PDE1C: variants seen among roughly 807,000 people sequenced by gnomAD.
The protein encoded by PDE1C is phosphodiesterase 1C.
Under a neutral mutation model 93.1 loss-of-function variants are expected in PDE1C, and 62 were observed. The observed-to-expected ratio is 0.67, with a 90% confidence interval of 0.54 to 0.82. The LOEUF is 0.82. PDE1C is among the 40% of genes least tolerant of loss of function. The pLI, the probability that PDE1C is intolerant of heterozygous loss-of-function variation, is 0.00. For missense variants in PDE1C, 742 were observed against 884.6 expected (o/e 0.84, Z 2.04); for synonymous variants, 325 against 310.1 (o/e 1.05, Z -0.50).
intron 2 of PDE1C, among the ~76,000 whole-genome samples, chr7:32,022,618 TTGAA>T (rs1255409469): frequency 2.0e-5 from 3 of 152,144 alleles, no homozygotes; most frequent in African/African-American, 7.2e-5. Context: ...AGAATATCAT[TTGAA>T]TGAATGAATA....
chr7:31,779,505 C>G (rs1783242373), intron 16 of PDE1C, among the ~76,000 whole-genome samples: 1 of 152,166 alleles, frequency 6.6e-6, no homozygotes, highest in South Asian at 2.1e-4. Flanking sequence ...TAAGGGAACT[C>G]TGGGAACCTT....
At chr7:32,147,292 G>GAAAGAAAGAAAGAAAGAAAGAAAT (rs1563352658) in intron 3 of PDE1C, among the ~76,000 whole-genome samples, 2 of 130,178 alleles carry the variant, frequency 1.5e-5, no homozygotes, top group African/African-American at 6.2e-5. Flanking sequence ...AAGAAAGAAA[G>GAAAGAAAGAAAGAAAGAAAGAAAT]AAAGAAAGAA....
At chr7:32,187,131 T>A (rs1803934369) in intron 2 of PDE1C, among the ~76,000 whole-genome samples, 1 of 152,056 alleles carries the variant, frequency 6.6e-6, no homozygotes, top group African/African-American at 2.4e-5. Context: ...TTCTTCTTTC[T>A]TTCCTTCTCT....
chr7:32,051,648 C>T (rs1174007171), intron 1 of PDE1C, 68 bp from the exon 2 acceptor site: 3 of 1,346,588 alleles, frequency 2.2e-6, no homozygotes, highest in Non-Finnish European at 2.1e-6. Flanking sequence ...AAAGGGATTA[C>T]TTCAGTGGGG....
At chr7:32,258,555 T>C (rs1037643912) in intron 1 of PDE1C, among the ~76,000 whole-genome samples, 3 of 152,140 alleles carry the variant, frequency 2.0e-5, no homozygotes. Flanking sequence ...TAACAAGCTG[T>C]GCACATGCCC....
chr7:32,111,234 A>G (rs1418617603), intron 3 of PDE1C, among the ~76,000 whole-genome samples: 1 of 152,186 alleles, frequency 6.6e-6, no homozygotes, highest in African/African-American at 2.4e-5. Context: ...ATATATAACT[A>G]GTTCACCATC....
At position 31,778,876 on chromosome 7, in the gene PDE1C, T is replaced by C. The variant is rs143778987; in HGVS notation, c.1892-3144A>G. On this transcript the variant is annotated intron_variant, in intron 16 of 17. Coordinates refer to ENST00000396191, the MANE Select transcript of PDE1C (RefSeq NM_001191057.4). ...GGAACTTGACTAATGTTACTGAGTG[T>C]TGTGGGAGGAGGGAAAAACTTAAGT... Among the ~76,000 whole-genome samples, 474 of 152,320 alleles carry C rather than the reference T, an allele frequency of 3.1e-3. 2 individuals are homozygous for C. Among genetic ancestry groups the C allele is most frequent in the African/African-American group, 0.011 (441 of 41,560 alleles).
the PDE1C span, among the ~76,000 whole-genome samples, chr7:31,696,426 G>C: frequency 2.0e-5 from 3 of 152,168 alleles, no homozygotes; most frequent in Non-Finnish European, 4.4e-5. Context: ...GCTCAGTGTG[G>C]GTAGTGAATT....
the PDE1C span, among the ~76,000 whole-genome samples, chr7:31,657,227 C>T: frequency 3.0e-5 from 1 of 33,664 alleles, no homozygotes; most frequent in African/African-American, 1.1e-4. Context: ...TAAGCTCTGG[C>T]AACCATTAAG....
At chr7:32,378,754 A>G (rs1034044378) in intron 1 of PDE1C, among the ~76,000 whole-genome samples, 1 of 152,024 alleles carries the variant, frequency 6.6e-6, no homozygotes, top group Non-Finnish European at 1.5e-5. Context: ...TGGTACCCCA[A>G]CCAATCAGCA....
intron 1 of PDE1C, among the ~76,000 whole-genome samples, chr7:32,327,065 A>G (rs1783417267): frequency 6.6e-6 from 1 of 152,184 alleles, no homozygotes. Context: ...TCTTGCTCAC[A>G]AGACACATAT....
At chr7:32,015,340 C>T (rs1787746551) in intron 2 of PDE1C, among the ~76,000 whole-genome samples, 1 of 151,232 alleles carries the variant, frequency 6.6e-6, no homozygotes, top group Non-Finnish European at 1.5e-5. Flanking sequence ...GAAAACCATA[C>T]AACTGGGAGG....
chr7:31,980,506 T>C (rs1812244687), intron 2 of PDE1C, among the ~76,000 whole-genome samples: 1 of 152,208 alleles, frequency 6.6e-6, no homozygotes, highest in African/African-American at 2.4e-5. Context: ...TTCATAAGAC[T>C]TTTTGGTTAA....
intron 9 of PDE1C, among the ~76,000 whole-genome samples, chr7:31,841,000 T>C (rs1304121796): frequency 4.6e-5 from 7 of 152,102 alleles, no homozygotes; most frequent in African/African-American, 1.7e-4. Flanking sequence ...TTGACATCTT[T>C]ATAATACCGA....
the PDE1C span, chr7:31,643,744 A>G: frequency 3.1e-6 from 5 of 1,613,986 alleles, no homozygotes; most frequent in Middle Eastern, 1.6e-4. Context: ...CTTCTCTAGT[A>G]TCTGCCCAAT....
chr7:32,179,373 G>C (rs954192382), intron 2 of PDE1C, among the ~76,000 whole-genome samples: 19 of 149,744 alleles, frequency 1.3e-4, no homozygotes, highest in African/African-American at 4.4e-4. Flanking sequence ...GATTTCTCCT[G>C]CTTCAGCCTC....
At chr7:31,936,228 C>A (rs961583728) in intron 2 of PDE1C, among the ~76,000 whole-genome samples, 2 of 152,076 alleles carry the variant, frequency 1.3e-5, no homozygotes, top group Non-Finnish European at 2.9e-5. Flanking sequence ...AGGGAATGGT[C>A]CATAAAACCT....
chr7:32,341,247 C>G (rs1482237804), intron 1 of PDE1C, among the ~76,000 whole-genome samples: 1 of 122,174 alleles, frequency 8.2e-6, no homozygotes, highest in African/African-American at 2.9e-5. Context: ...GCGATCTCGG[C>G]TCACTGCAAG....
chr7:32,139,300 C>CTTTCT (rs1800385488), intron 3 of PDE1C, among the ~76,000 whole-genome samples: 1 of 82,922 alleles, frequency 1.2e-5, no homozygotes, highest in Non-Finnish European at 2.2e-5. Flanking sequence ...CAAAATCAAC[C>CTTTCT]TTTTTTTTTT....
Sources: allele counts gnomAD v4.1 joint callset (sites outside exome capture counted in the v4.1 genomes callset), GRCh38; gene constraint gnomAD v4.1.1; transcripts MANE v1.5; gene names NCBI Gene and HGNC (gene_info 2026-07-23, HGNC 2026-07-21).